Variants in SGMS1 observed in about 807,000 individuals in gnomAD.
SGMS1 encodes the protein phosphatidylcholine:ceramide cholinephosphotransferase 1.
SGMS1 carries 13 observed loss-of-function variants against 46.2 expected under a neutral mutation model. The observed-to-expected ratio is 0.28, with a 90% CI of 0.18 to 0.45. SGMS1 has a LOEUF of 0.45. SGMS1 is among the 20% of genes least tolerant of loss of function. The pLI is 1.00. For missense variants in SGMS1, 324 were observed against 519.9 expected, an observed-to-expected ratio of 0.62 and a Z score of 3.66; for synonymous variants, 203 against 187.8, an observed-to-expected ratio of 1.08 and a Z score of -0.66.
intron 6 of SGMS1, among the ~76,000 whole-genome samples, chr10:50,415,865 A>G (rs753087409): frequency 7.9e-5 from 12 of 152,234 alleles, no homozygotes; most frequent in Non-Finnish European, 1.6e-4. Flanking sequence ...AAAATACTGC[A>G]GGTATGCACT....
intron 3 of SGMS1, among the ~76,000 whole-genome samples, chr10:50,488,088 ACTGCAACCT>A: frequency 6.6e-6 from 1 of 151,718 alleles, no homozygotes; most frequent in Non-Finnish European, 1.5e-5. Context: ...ATCTTGGCTC[ACTGCAACCT>A]CTGCCTCCTG....
intron 6 of SGMS1, among the ~76,000 whole-genome samples, chr10:50,354,781 G>A (rs1229296558): frequency 1.3e-5 from 2 of 152,138 alleles, no homozygotes; most frequent in African/African-American, 4.8e-5. Context: ...AGTGAGCGAA[G>A]GATATGAACA....
intron 2 of SGMS1, among the ~76,000 whole-genome samples, chr10:50,550,970 GA>G (rs1564429832): frequency 1.3e-5 from 2 of 152,150 alleles, no homozygotes; most frequent in African/African-American, 4.8e-5. Flanking sequence ...AAATGGGAGC[GA>G]ATATGCAAAC....
At chr10:50,580,644 C>A (rs1838424732) in intron 2 of SGMS1, among the ~76,000 whole-genome samples, 1 of 152,146 alleles carries the variant, frequency 6.6e-6, no homozygotes, top group South Asian at 2.1e-4. Context: ...AGTTCAGTGG[C>A]TCTCACACTT....
chr10:50,358,008 G>T (rs1848181886), intron 6 of SGMS1, among the ~76,000 whole-genome samples: 1 of 152,154 alleles, frequency 6.6e-6, no homozygotes, highest in Non-Finnish European at 1.5e-5. Flanking sequence ...ACCTGGACAT[G>T]GTGGTTCATG....
intron 6 of SGMS1, among the ~76,000 whole-genome samples, chr10:50,404,616 T>C (rs1010238866): frequency 6.6e-6 from 1 of 152,108 alleles, no homozygotes; most frequent in Non-Finnish European, 1.5e-5. Flanking sequence ...AAACAAACAA[T>C]CAGTGACCTT....
At chr10:50,606,627 C>T (rs986928156) in intron 1 of SGMS1, among the ~76,000 whole-genome samples, 5 of 152,164 alleles carry the variant, frequency 3.3e-5, no homozygotes, top group South Asian at 2.1e-4. Context: ...CCACACTTGG[C>T]GAAAATCTGA....
chr10:50,429,260 A>G (rs1849368548), intron 6 of SGMS1, among the ~76,000 whole-genome samples: 1 of 152,146 alleles, frequency 6.6e-6, no homozygotes, highest in Non-Finnish European at 1.5e-5. Context: ...GTAAGATTAT[A>G]TTTTTCCTAT....
chr10:50,366,975 G>A (rs1169737282), intron 6 of SGMS1, among the ~76,000 whole-genome samples: 1 of 151,902 alleles, frequency 6.6e-6, no homozygotes, highest in Non-Finnish European at 1.5e-5. Flanking sequence ...GTGGGCAAAG[G>A]ATATGAACAG....
chr10:50,574,963 G>GTATGTATATATATATATATA (rs1554793450), intron 2 of SGMS1, among the ~76,000 whole-genome samples: 7 of 99,874 alleles, frequency 7.0e-5, no homozygotes, highest in African/African-American at 2.1e-4. Flanking sequence ...AAAATGTGGT[G>GTATGTATATATATATATATA]TATATATATA....
intron 2 of SGMS1, among the ~76,000 whole-genome samples, chr10:50,528,088 T>C (rs2983350): frequency 0.27 from 41,282 of 152,144 alleles, 6,110 homozygotes; most frequent in African/African-American, 0.37. Context: ...CATTCCTAAG[T>C]AATATTTAAG....
intron 6 of SGMS1, among the ~76,000 whole-genome samples, chr10:50,383,311 G>T (rs932436611): frequency 1.5e-4 from 23 of 152,230 alleles, no homozygotes; most frequent in Admixed American, 1.2e-3. Flanking sequence ...AGTTTAAAAA[G>T]ATTTCCATTG....
At chr10:50,386,276 A>G (rs1220921682) in intron 6 of SGMS1, among the ~76,000 whole-genome samples, 1 of 152,190 alleles carries the variant, frequency 6.6e-6, no homozygotes, top group African/African-American at 2.4e-5. Flanking sequence ...TCAACTTTGG[A>G]AACACATGCC....
chr10:50,540,321 C>T (rs571481806), intron 2 of SGMS1, among the ~76,000 whole-genome samples: 1 of 152,262 alleles, frequency 6.6e-6, no homozygotes, highest in South Asian at 2.1e-4. Context: ...AATAGACTGG[C>T]TCGTCTGGCA....
intron 3 of SGMS1, among the ~76,000 whole-genome samples, chr10:50,482,395 C>G (rs2133722207): frequency 6.6e-6 from 1 of 152,298 alleles, no homozygotes; most frequent in South Asian, 2.1e-4. Context: ...GAATTTCCAA[C>G]CCAGAATTTC....
intron 4 of SGMS1, among the ~76,000 whole-genome samples, chr10:50,463,419 C>A (rs1483773739): frequency 6.6e-6 from 1 of 152,194 alleles, no homozygotes; most frequent in African/African-American, 2.4e-5. Context: ...TGAAAAGATG[C>A]TTAACATCCC....
chr10:50,574,285 C>T (rs1026013424), intron 2 of SGMS1, among the ~76,000 whole-genome samples: 2 of 151,970 alleles, frequency 1.3e-5, no homozygotes, highest in Non-Finnish European at 2.9e-5. Context: ...ATAAAGAACT[C>T]CAAAAACTCA....
chr10:50,522,064 C>A (rs920795497), intron 2 of SGMS1, among the ~76,000 whole-genome samples: 7 of 152,112 alleles, frequency 4.6e-5, no homozygotes, highest in African/African-American at 1.7e-4. Flanking sequence ...GCTGACTTTT[C>A]CAACTCCAGC....
intron 6 of SGMS1, among the ~76,000 whole-genome samples, chr10:50,408,446 A>C (rs1361800726): frequency 1.8e-4 from 27 of 148,762 alleles, no homozygotes; most frequent in Non-Finnish European, 2.8e-4. Flanking sequence ...AAAAAAAAAA[A>C]AAAAAAAAAC....
Sources: allele counts gnomAD v4.1 joint callset (sites outside exome capture counted in the v4.1 genomes callset), GRCh38; gene constraint gnomAD v4.1.1; transcripts MANE v1.5; gene names NCBI Gene and HGNC (gene_info 2026-07-23, HGNC 2026-07-21).